The following BTD variants were observed in gnomAD, a reference collection of about 807,000 sequenced individuals.
BTD encodes the protein biocytinase.
A neutral mutation model predicts 17.7 loss-of-function variants in BTD; 13 were observed. That is an observed-to-expected ratio of 0.74 (90% CI 0.48 to 1.17). The LOEUF (loss-of-function observed/expected upper bound fraction) is 1.17, where lower values mean the gene tolerates loss of function less well. BTD is among the 50% of genes most tolerant of loss of function. BTD has a pLI of 0.00. For synonymous variants in BTD, 240 were observed against 245.2 expected, an observed-to-expected ratio of 0.98 and a Z score of 0.20; for missense variants, 674 against 650.4, an observed-to-expected ratio of 1.04 and a Z score of -0.39.
chr3:15,684,804 G>A (rs1215901848), intron 3 of BTD: 1 of 165,310 alleles, frequency 6.0e-6, no homozygotes, highest in Non-Finnish European at 1.3e-5. Context: ...TCCTAAAAAT[G>A]CAAAATATTT....
At chr3:15,690,976 T>G (rs546480613) in intron 3 of BTD, among the ~76,000 whole-genome samples, 1 of 152,150 alleles carries the variant, frequency 6.6e-6, no homozygotes, top group Admixed American at 6.5e-5. Context: ...AAACTGACCA[T>G]ACCCACCCCA....
rs540409282 is a variant in BTD at position 15,648,847 on chromosome 3, G to C, written c.*3359G>C. Among the ~76,000 whole-genome samples, 2 of 121,208 alleles carry C rather than the reference G, an allele frequency of 1.7e-5. No homozygotes were observed. The highest frequency in any genetic ancestry group is 6.3e-4 in the South Asian group (2 of 3,160). 79.5% of individuals were successfully genotyped at this position (121,208 alleles called of 152,430 possible). A position where few individuals can be genotyped will look rare whatever the true frequency, so the allele number is the denominator to read the frequency against. On this transcript the variant is annotated 3_prime_UTR_variant, in exon 4 of 4. Coordinates refer to ENST00000643237, the MANE Select transcript of BTD (RefSeq NM_001370658.1). ...CAGAAGAGGAGAAGACACACACACA[G>C]GGAGAAGATGACCATGTGACAACAG...
intron 3 of BTD, among the ~76,000 whole-genome samples, chr3:15,704,491 CAG>C (rs1019105700): frequency 2.0e-5 from 3 of 152,016 alleles, no homozygotes; most frequent in African/African-American, 4.8e-5. Context: ...GTGATGCTGA[CAG>C]GGGATTTTTA....
chr3:15,700,801 A>G (rs922717503), intron 3 of BTD, among the ~76,000 whole-genome samples: 2 of 152,162 alleles, frequency 1.3e-5, no homozygotes, highest in African/African-American at 4.8e-5. Flanking sequence ...GCCATAATTT[A>G]CAATTTTAAT....
Position 15,682,584 on chromosome 3 carries a change from C to T in BTD, c.400-27476C>T, listed in dbSNP as rs564998071. The stretch of plus-strand genomic sequence containing the variant: ...ATTCTTAAGTTCTGTGATTGAATGA[C>T]TATATAAACTGAAATTGTGAACTTT... On this transcript the variant is annotated intron_variant, in intron 3 of 3. Transcript: ENST00000672141. 2.0e-4 allele frequency among the ~76,000 whole-genome samples: 31 copies of T among 152,278 alleles called. No homozygotes were observed. In the South Asian group the frequency reaches 6.0e-3, roughly 30 times the overall value.
rs369985204 is a variant in BTD at position 15,720,930 on chromosome 3, G to A, written c.1016-840G>A. The A allele has an allele frequency of 1.2e-4, 198 of 1,612,830 alleles. No homozygotes were observed. The highest frequency in any genetic ancestry group is 6.6e-4 in the Middle Eastern group (4 of 6,076). ...TGTTCCTTACCTTCATATTGACATC[G>A]GCCCCATTGCCAACTAGAAGCTCTA... On this transcript the variant is annotated intron_variant, in intron 4 of 4. Coordinates refer to the BTD transcript ENST00000672427.
chr3:15,676,490 A>G (rs1460796698), intron 3 of BTD: 1 of 156,172 alleles, frequency 6.4e-6, no homozygotes, highest in Non-Finnish European at 1.4e-5. Flanking sequence ...ATCTTTACTA[A>G]ACCTCAAAAT....
chr3:15,695,424 C>T lies in BTD; in HGVS notation c.400-14636C>T, dbSNP rs181670973. On this transcript the variant is annotated intron_variant, in intron 3 of 3. Coordinates refer to the BTD transcript ENST00000672141. Reference sequence around the variant, plus strand: ...AAAATTTTGGTGTGAATATCCATAACGTAGGAAAATAGTTATTTTTGTAGC... The same window carrying T: ...AAAATTTTGGTGTGAATATCCATAATGTAGGAAAATAGTTATTTTTGTAGC... 2.0e-3 allele frequency among the ~76,000 whole-genome samples: 310 copies of T among 152,148 alleles called. 2 individuals carry two copies. Among genetic ancestry groups the T allele is most frequent in the Middle Eastern group, 0.01 (3 of 294 alleles).
intron 1 of BTD, among the ~76,000 whole-genome samples, chr3:15,631,275 A>G (rs1278481849): frequency 6.6e-6 from 1 of 152,192 alleles, no homozygotes; most frequent in African/African-American, 2.4e-5. Context: ...TTTCCTAATC[A>G]TAGGATTGCT....
intron 1 of BTD, among the ~76,000 whole-genome samples, chr3:15,622,194 T>C (rs1331884472): frequency 6.6e-6 from 1 of 152,198 alleles, no homozygotes; most frequent in African/African-American, 2.4e-5. Flanking sequence ...TCATTCTTCT[T>C]ACTTTGGAAT....
At chr3:15,703,231 C>A (rs554189891) in intron 3 of BTD, among the ~76,000 whole-genome samples, 1 of 152,138 alleles carries the variant, frequency 6.6e-6, no homozygotes, top group Non-Finnish European at 1.5e-5. Context: ...AACCTCTACA[C>A]ACAAAAAACT....
At chr3:15,626,376 A>G (rs1286852031) in intron 1 of BTD, among the ~76,000 whole-genome samples, 2 of 152,184 alleles carry the variant, frequency 1.3e-5, no homozygotes, top group East Asian at 1.9e-4. Flanking sequence ...ATGCTGAGGA[A>G]TGTTGCACCT....
chr3:15,686,366 G>A, intron 3 of BTD: 2 of 1,354,710 alleles, frequency 1.5e-6, no homozygotes, highest in Non-Finnish European at 2.1e-6. Flanking sequence ...AATAGAAAAT[G>A]TCCATCTAAA....
intron 3 of BTD, among the ~76,000 whole-genome samples, chr3:15,706,359 C>G (rs564349570): frequency 2.6e-5 from 2 of 76,364 alleles, no homozygotes; most frequent in Admixed American, 3.2e-4. Context: ...TTTGTCCTTG[C>G]GATAGTTTGC....
In BTD at chr3:15,635,812, C is replaced by T; in HGVS notation, c.249+124C>T. The T allele has an allele frequency of 3.6e-6, 5 of 1,401,156 alleles. No homozygotes were observed. Among genetic ancestry groups the T allele is most frequent in the Non-Finnish European group, 5.0e-6 (5 of 1,002,854 alleles). 86.8% of individuals were successfully genotyped at this position (1,401,156 alleles called of 1,614,324 possible). The stretch of plus-strand genomic sequence containing the variant: ...TCTGAAAAAGCATCCAGGTAGTTAA[C>T]CTGAGTTGAGTTAGTCAGTTGAATT... On this transcript the variant is annotated intron_variant, in intron 2 of 3. Transcript: ENST00000643237. This position sits in a 1 kb window ranked among gnomAD's most constrained non-coding sequence, Gnocchi z 4.1.
intron 4 of BTD, chr3:15,721,126 A>C: frequency 6.2e-7 from 1 of 1,608,420 alleles, no homozygotes; most frequent in South Asian, 1.1e-5. Flanking sequence ...TGGTTCATTC[A>C]TCTATTAGAA....
chr3:15,715,934 C>T (rs2072955924), downstream of BTD, among the ~76,000 whole-genome samples: 7 of 151,210 alleles, frequency 4.6e-5, no homozygotes, highest in South Asian at 1.5e-3. Context: ...CAAAATGTTC[C>T]AGATAGGATA....
In BTD at chr3:15,650,111, A is replaced by G. The variant is rs905436434; in HGVS notation, c.*4623A>G. On this transcript the variant is annotated 3_prime_UTR_variant, in exon 4 of 4. Coordinates refer to ENST00000643237, the MANE Select transcript of BTD (RefSeq NM_001370658.1). ...ATCTTTTGTCTCTGCAGCGTTCAGC[A>G]TGGCACTGTCTTGGCTTACAAAATC... Among the ~76,000 whole-genome samples the G allele has an allele frequency of 6.6e-6, 1 of 152,250 alleles. No individual in the cohort carries two copies. The highest frequency in any genetic ancestry group is 2.4e-5 in the African/African-American group (1 of 41,472).
chr3:15,614,211 ACTC>A (rs2064724843), intron 1 of BTD, among the ~76,000 whole-genome samples: 1 of 148,268 alleles, frequency 6.7e-6, no homozygotes, highest in Admixed American at 6.7e-5. Flanking sequence ...GCAGCCTTAA[ACTC>A]CTGGGCTCAA....
Sources: gnomAD v4.1 joint callset for allele counts (sites outside exome capture counted in the v4.1 genomes callset) on GRCh38, gnomAD v4.1.1 for gene constraint, Gnocchi (gnomAD v3.1) non-coding constraint, MANE v1.5 for transcripts, NCBI Gene and HGNC (gene_info 2026-07-23, HGNC 2026-07-21) for gene names.